Variants in SLCO2A1 observed in about 807,000 individuals in gnomAD.
SLCO2A1 encodes the protein matrin F/G 1.
In SLCO2A1, 60 loss-of-function variants were observed where a neutral mutation model predicts 71.7. That is an observed-to-expected ratio of 0.84 (90% CI 0.68 to 1.04). The LOEUF is 1.04. Ranked by LOEUF, SLCO2A1 falls within the 50% of genes least tolerant of loss-of-function variation. The pLI is 0.00. For synonymous variants in SLCO2A1, 308 were observed against 326.7 expected (o/e 0.94, Z 0.62); for missense variants, 745 against 813.4 (o/e 0.92, Z 1.02).
intron 1 of SLCO2A1, among the ~76,000 whole-genome samples, chr3:134,017,066 C>T (rs2050889075): frequency 2.0e-5 from 3 of 152,248 alleles, no homozygotes; most frequent in South Asian, 2.1e-4. Flanking sequence ...TGACTATAAA[C>T]GGGTCAGCAC....
At chr3:134,025,801 T>C (rs1935690832) in intron 1 of SLCO2A1, among the ~76,000 whole-genome samples, 1 of 152,270 alleles carries the variant, frequency 6.6e-6, no homozygotes, top group Non-Finnish European at 1.5e-5. Context: ...CGTGTGACCT[T>C]AGGAATCAAT....
chr3:133,953,834 A>AG, intron 4 of SLCO2A1, 73 bp from the exon 5 acceptor site: 1 of 1,153,054 alleles, frequency 8.7e-7, no homozygotes. Context: ...TCCCAAGCTG[A>AG]GGGGGAGTCT....
At chr3:133,985,706 AG>A (rs2108061681) in intron 1 of SLCO2A1, among the ~76,000 whole-genome samples, 1 of 152,372 alleles carries the variant, frequency 6.6e-6, no homozygotes, top group South Asian at 2.1e-4. Flanking sequence ...ACAAATCCAC[AG>A]TGCATGAAAT....
chr3:133,968,436 G>C (rs998414800), intron 3 of SLCO2A1, among the ~76,000 whole-genome samples: 1 of 152,140 alleles, frequency 6.6e-6, no homozygotes, highest in African/African-American at 2.4e-5. Context: ...AGGATCCCGA[G>C]GCTCCCCGGC....
At chr3:133,998,484 C>T (rs558357692) in intron 1 of SLCO2A1, among the ~76,000 whole-genome samples, 10 of 151,090 alleles carry the variant, frequency 6.6e-5, no homozygotes, top group East Asian at 1.9e-4. Context: ...CATTCCCAGG[C>T]GCTCCTGTCC....
At chr3:134,028,366 A>G (rs1935739330) in intron 1 of SLCO2A1, among the ~76,000 whole-genome samples, 1 of 152,256 alleles carries the variant, frequency 6.6e-6, no homozygotes. Flanking sequence ...TGGTGGAACC[A>G]AAACTGCGCA....
intron 1 of SLCO2A1, among the ~76,000 whole-genome samples, chr3:134,013,928 C>A (rs1935390317): frequency 6.6e-6 from 1 of 152,150 alleles, no homozygotes; most frequent in Admixed American, 6.5e-5. Flanking sequence ...TACATGGAAA[C>A]TTCTTCATTC....
chr3:134,000,891 G>A (rs984429983), intron 1 of SLCO2A1, among the ~76,000 whole-genome samples: 1 of 152,172 alleles, frequency 6.6e-6, no homozygotes, highest in Non-Finnish European at 1.5e-5. Flanking sequence ...GTTAAACTCT[G>A]CACATCTGCA....
At position 133,967,401 on chromosome 3, in the gene SLCO2A1, G is replaced by A. The variant is rs370818753; in HGVS notation, c.397+6262C>T. Among the ~76,000 whole-genome samples the A allele has an allele frequency of 9.9e-5, 15 of 152,276 alleles. No individual in the cohort carries two copies. The East Asian group carries it at 2.1e-3, about 22-fold the overall frequency. On this transcript the variant is annotated intron_variant, in intron 3 of 13. Transcript: ENST00000310926. Reference sequence around the variant, plus strand: ...GAGAGGCTGTCACACCATCACCATGGAGCGCAGAGCTCTCCCACCAGTTTC... The same window carrying A: ...GAGAGGCTGTCACACCATCACCATGAAGCGCAGAGCTCTCCCACCAGTTTC...
chr3:133,999,696 A>C (rs1032008031), intron 1 of SLCO2A1, among the ~76,000 whole-genome samples: 2 of 152,212 alleles, frequency 1.3e-5, no homozygotes, highest in Admixed American at 1.3e-4. Flanking sequence ...GAATTTCAGA[A>C]AGTGGGTAGG....
intron 1 of SLCO2A1, among the ~76,000 whole-genome samples, chr3:133,994,700 G>T (rs982860971): frequency 1.5e-4 from 23 of 152,200 alleles, no homozygotes; most frequent in African/African-American, 5.5e-4. Flanking sequence ...GCCAGGCCTC[G>T]TATCAAACTG....
chr3:133,943,678 C>T (rs1053886170), intron 10 of SLCO2A1, among the ~76,000 whole-genome samples: 1 of 151,984 alleles, frequency 6.6e-6, no homozygotes, highest in Non-Finnish European at 1.5e-5. Context: ...GGAAACTTGC[C>T]AAGATTATTT....
In SLCO2A1 at chr3:134,029,394, A is replaced by G. The variant is rs76224736; in HGVS notation, c.96+313T>C. Among the ~76,000 whole-genome samples the G allele has an allele frequency of 1.8e-3, 278 of 152,280 alleles. 1 individual carries two copies. The highest frequency in any genetic ancestry group is 2.9e-3 in the Non-Finnish European group (196 of 68,022). On this transcript the variant is annotated intron_variant, in intron 1 of 13. Coordinates refer to ENST00000310926, the MANE Select transcript of SLCO2A1 (RefSeq NM_005630.3). Reference sequence around the variant, plus strand: ...CATCGAGGACAATTCTCTCGCTTATAACTCTGCCTGGAGTTGTCCGAGTAA... The same window carrying G: ...CATCGAGGACAATTCTCTCGCTTATGACTCTGCCTGGAGTTGTCCGAGTAA...
At chr3:133,989,703 G>C (rs1018870548) in intron 1 of SLCO2A1, among the ~76,000 whole-genome samples, 1 of 152,174 alleles carries the variant, frequency 6.6e-6, no homozygotes, top group African/African-American at 2.4e-5. Context: ...CGCAGGTTGG[G>C]AATAACCCCC....
intron 8 of SLCO2A1, among the ~76,000 whole-genome samples, chr3:133,948,136 G>T (rs1341363833): frequency 6.6e-6 from 1 of 152,150 alleles, no homozygotes; most frequent in Non-Finnish European, 1.5e-5. Context: ...ACCATATATT[G>T]TCTAACCAAA....
intron 5 of SLCO2A1, among the ~76,000 whole-genome samples, chr3:133,953,015 T>C (rs72980324): frequency 0.028 from 4,331 of 152,124 alleles, 207 homozygotes; most frequent in African/African-American, 0.099. Context: ...ACCAGCAACA[T>C]CTTAGAATCA....
chr3:133,963,656 A>G (rs570277319), intron 3 of SLCO2A1, among the ~76,000 whole-genome samples: 2 of 152,284 alleles, frequency 1.3e-5, no homozygotes, highest in African/African-American at 4.8e-5. Flanking sequence ...TCAAATGGGG[A>G]AGAGGTTAGC....
In SLCO2A1 at chr3:134,003,968, G is replaced by C. The variant is rs1935152066; in HGVS notation, c.97-24350C>G. ...AGAGAAATTCTCCCTGTGTACAGCA[G>C]CTTTTGTGCTTGTGAGTTCCAGCCT... is the stretch of plus-strand genomic sequence containing the variant. On this transcript the variant is annotated intron_variant, in intron 1 of 13. Transcript: ENST00000310926. Among the ~76,000 whole-genome samples the C allele has an allele frequency of 1.3e-5, 2 of 152,338 alleles. 1 individual carries two copies. Among genetic ancestry groups the C allele is most frequent in the South Asian group, 4.1e-4 (2 of 4,820 alleles).
rs1933740061 is a variant in SLCO2A1, at chr3:133,951,318, G to T, written c.751C>A (p.Pro251Thr). The T allele has an allele frequency of 3.7e-6, 6 of 1,614,118 alleles. No homozygotes were observed. The East Asian group carries it at 1.1e-4, about 30-fold the overall frequency. Residue 251 changes from proline to threonine, a missense_variant, in exon 6 of 14, where the codon CCC (proline) becomes ACC (threonine). Pro to Thr is a conservative substitution (Grantham distance 38). Transcript: ENST00000310926. Reference protein sequence around the residue: ...TAAVNLVPGDPRWIGAWWLGL... With the variant: ...TAAVNLVPGDTRWIGAWWLGL... The stretch of plus-strand genomic sequence containing the variant: ...AGCCACCAGGCTCCAATCCATCGGG[G>T]GTCACCCGGGACCAAGTTAACTGCA...
Sources: gnomAD v4.1 joint callset for allele counts (sites outside exome capture counted in the v4.1 genomes callset) on GRCh38, gnomAD v4.1.1 for gene constraint, MANE v1.5 for transcripts, NCBI Gene and HGNC (gene_info 2026-07-23, HGNC 2026-07-21) for gene names.